The following FMN2 variants were observed in gnomAD, a reference collection of about 807,000 sequenced individuals.
FMN2 encodes the protein formin 2.
A neutral mutation model predicts 142.3 loss-of-function variants in FMN2; 51 were observed. That is an observed-to-expected ratio of 0.36 (90% confidence interval 0.29 to 0.45). FMN2 has a LOEUF of 0.45. Ranked by LOEUF, FMN2 falls within the 20% of genes least tolerant of loss-of-function variation. The pLI, the probability that FMN2 is intolerant of heterozygous loss-of-function variation, is 1.00. For synonymous variants in FMN2, 882 were observed against 869.8 expected (o/e 1.01, Z -0.25); for missense variants, 1,936 against 2,122.8 (o/e 0.91, Z 1.73).
chr1:240,186,981 T>A (rs1665483821), intron 3 of FMN2, among the ~76,000 whole-genome samples: 1 of 151,948 alleles, frequency 6.6e-6, no homozygotes, highest in African/African-American at 2.4e-5. Context: ...AAAGAGTGAC[T>A]GCTGGCCGAG....
intron 1 of FMN2, among the ~76,000 whole-genome samples, chr1:240,101,349 C>A (rs1237621060): frequency 2.0e-5 from 3 of 152,136 alleles, no homozygotes; most frequent in East Asian, 1.9e-4. Flanking sequence ...GAAGAAAATT[C>A]CTATGCCGGA....
intron 8 of FMN2, among the ~76,000 whole-genome samples, chr1:240,316,890 T>G (rs1334346391): frequency 2.0e-5 from 3 of 152,162 alleles, no homozygotes; most frequent in Non-Finnish European, 4.4e-5. Context: ...TCCGTGGACC[T>G]TTTTTAGATT....
chr1:240,306,010 C>T (rs975697032), intron 8 of FMN2, among the ~76,000 whole-genome samples: 5 of 146,474 alleles, frequency 3.4e-5, no homozygotes, highest in South Asian at 2.1e-4. Flanking sequence ...AGTGCGGTGA[C>T]GTGATCTCGG....
At position 240,271,098 on chromosome 1, in the gene FMN2, G is replaced by GTTTTTTTTTTTTTTTTT. The variant is rs56686860; in HGVS notation, c.4153+13069_4153+13085dup. ...ACCCCCCTAGGAACTTTCCACGATG[G>GTTTTTTTTTTTTTTTTT]TTTTTTTTTTTTTTTTTTTGTGACT... On this transcript the variant is annotated intron_variant, in intron 7 of 17. Transcript: ENST00000319653. Among the ~76,000 whole-genome samples the GTTTTTTTTTTTTTTTTT allele has an allele frequency of 2.6e-3, 190 of 72,206 alleles. 23 individuals carry two copies. Among genetic ancestry groups the GTTTTTTTTTTTTTTTTT allele is most frequent in the African/African-American group, 9.2e-3 (139 of 15,088 alleles). The allele number at this position is 72,206 out of a possible 152,430, so 47.4% of individuals were successfully genotyped here.
chr1:240,355,006 A>G (rs188117312), intron 13 of FMN2, among the ~76,000 whole-genome samples: 1 of 152,158 alleles, frequency 6.6e-6, no homozygotes, highest in Admixed American at 6.5e-5. Context: ...TCTTAGAGGT[A>G]CTTCTCAATA....
intron 7 of FMN2, among the ~76,000 whole-genome samples, chr1:240,269,863 G>T (rs1668938044): frequency 6.6e-6 from 1 of 151,672 alleles, no homozygotes. Flanking sequence ...AAATGCTTCT[G>T]ATTTTTATAG....
intron 2 of FMN2, among the ~76,000 whole-genome samples, chr1:240,147,584 C>G (rs1267096218): frequency 1.3e-5 from 2 of 152,136 alleles, no homozygotes; most frequent in Non-Finnish European, 2.9e-5. Context: ...CCTGGAATCC[C>G]TGCACTCAAG....
chr1:240,338,793 G>A lies in FMN2; in HGVS notation c.4765+4564G>A, dbSNP rs147723832. ...TTCGAGGGCATTACATTTATTGTGCGCTTTACTTCTATTATAATTACATTG... is the reference window on the plus strand; with the variant it reads ...TTCGAGGGCATTACATTTATTGTGCACTTTACTTCTATTATAATTACATTG... On this transcript the variant is annotated intron_variant, in intron 13 of 17. Coordinates refer to ENST00000319653, the MANE Select transcript of FMN2 (RefSeq NM_020066.5). Among the ~76,000 whole-genome samples, 416 of 152,238 alleles carry A rather than the reference G, an allele frequency of 2.7e-3. 3 individuals are homozygous for A. Among genetic ancestry groups the A allele is most frequent in the African/African-American group, 9.1e-3 (379 of 41,538 alleles).
chr1:240,231,555 G>T (rs1219209460), intron 6 of FMN2, among the ~76,000 whole-genome samples: 3 of 152,224 alleles, frequency 2.0e-5, no homozygotes, highest in Non-Finnish European at 4.4e-5. Context: ...CACAGCTTCT[G>T]AATAGTGATT....
chr1:240,299,408 C>T (rs539732768), intron 8 of FMN2, among the ~76,000 whole-genome samples: 57 of 152,242 alleles, frequency 3.7e-4, no homozygotes, highest in African/African-American at 1.3e-3. Context: ...ATTTCAAATG[C>T]TCTGCTTTTT....
chr1:240,378,404 G>A (rs896096940), intron 14 of FMN2, among the ~76,000 whole-genome samples: 3 of 152,136 alleles, frequency 2.0e-5, no homozygotes, highest in East Asian at 1.9e-4. Context: ...ACCCACCTCG[G>A]CCTCCCAAAG....
intron 6 of FMN2, among the ~76,000 whole-genome samples, chr1:240,229,662 T>C (rs1558381475): frequency 6.6e-6 from 1 of 152,138 alleles, no homozygotes; most frequent in African/African-American, 2.4e-5. Flanking sequence ...TTTTTTTTAT[T>C]TTTATTTTTT....
At chr1:240,167,839 G>A (rs1664541081) in intron 2 of FMN2, among the ~76,000 whole-genome samples, 1 of 152,144 alleles carries the variant, frequency 6.6e-6, no homozygotes, top group African/African-American at 2.4e-5. Context: ...CACTTTGGGA[G>A]GCCGAGGCGA....
intron 13 of FMN2, among the ~76,000 whole-genome samples, chr1:240,353,467 T>C (rs1672164040): frequency 6.6e-6 from 1 of 152,210 alleles, no homozygotes; most frequent in Non-Finnish European, 1.5e-5. Flanking sequence ...TAAGTAACTA[T>C]TTATACAGCA....
intron 15 of FMN2, among the ~76,000 whole-genome samples, chr1:240,396,303 CGTG>C (rs1673771163): frequency 1.4e-5 from 2 of 142,828 alleles, no homozygotes; most frequent in African/African-American, 2.5e-5. Context: ...CCGAGGTTTT[CGTG>C]TGTGTGTGTG....
intron 14 of FMN2, among the ~76,000 whole-genome samples, chr1:240,368,258 C>T (rs1353403716): frequency 6.6e-6 from 1 of 152,074 alleles, no homozygotes; most frequent in Non-Finnish European, 1.5e-5. Context: ...TTAAGTTCCA[C>T]CAAAACAAAA....
At chr1:240,418,675 T>A (rs563510597) in intron 15 of FMN2, among the ~76,000 whole-genome samples, 13 of 152,364 alleles carry the variant, frequency 8.5e-5, no homozygotes, top group African/African-American at 3.1e-4. Flanking sequence ...GTCCAAAAGA[T>A]GGCCAACGTG....
intron 14 of FMN2, among the ~76,000 whole-genome samples, chr1:240,370,403 G>A (rs1272506675): frequency 6.6e-6 from 1 of 151,896 alleles, no homozygotes; most frequent in African/African-American, 2.4e-5. Flanking sequence ...CTATAAAAAT[G>A]CACCCAAACT....
intron 6 of FMN2, among the ~76,000 whole-genome samples, chr1:240,254,009 C>T (rs1413021479): frequency 6.6e-6 from 1 of 152,216 alleles, no homozygotes; most frequent in South Asian, 2.1e-4. Context: ...GCAGGCTGAG[C>T]ATGCCTGTCC....
Sources: gnomAD v4.1 joint callset for allele counts (sites outside exome capture counted in the v4.1 genomes callset) on GRCh38, gnomAD v4.1.1 for gene constraint, MANE v1.5 for transcripts, NCBI Gene and HGNC (gene_info 2026-07-23, HGNC 2026-07-21) for gene names.